Variants in RGS7 observed in about 807,000 individuals in gnomAD.
RGS7 encodes regulator of G protein signaling 7, also known as regulator of G-protein signaling 7.
Under a neutral mutation model 81.1 loss-of-function variants are expected in RGS7, and 27 were observed. The observed-to-expected ratio is 0.33, with a 90% CI of 0.25 to 0.46. The LOEUF (loss-of-function observed/expected upper bound fraction) is 0.46. Among genes scored for constraint, RGS7 ranks in the 20% least tolerant of loss-of-function variants. RGS7 has a pLI of 1.00. For missense variants in RGS7, 396 were observed against 607.4 expected (o/e 0.65, Z 3.66); for synonymous variants, 208 against 207.7 (o/e 1.00, Z -0.01).
At chr1:241,303,261 T>C (rs2079882700) in intron 2 of RGS7, among the ~76,000 whole-genome samples, 1 of 152,132 alleles carries the variant, frequency 6.6e-6, no homozygotes, top group South Asian at 2.1e-4. Flanking sequence ...TGAGTCCCCA[T>C]GAAATCTGGT....
At chr1:241,077,348 C>G (rs1039989849) in intron 3 of RGS7, among the ~76,000 whole-genome samples, 2 of 152,092 alleles carry the variant, frequency 1.3e-5, no homozygotes, top group South Asian at 2.1e-4. Context: ...ACGGATGACA[C>G]AAAAATGGCT....
intron 18 of RGS7, among the ~76,000 whole-genome samples, chr1:240,791,332 G>A (rs1027656603): frequency 5.3e-5 from 8 of 152,106 alleles, no homozygotes; most frequent in Non-Finnish European, 1.0e-4. Context: ...AATGAAGAGG[G>A]CAGGAGATTT....
chr1:240,868,219 G>A lies in RGS7; in HGVS notation c.609+368C>T, dbSNP rs1269068922. Among the ~76,000 whole-genome samples the A allele has an allele frequency of 6.6e-6, 1 of 151,748 alleles. No homozygotes were observed. The highest frequency in any genetic ancestry group is 1.5e-5 in the Non-Finnish European group (1 of 67,946). ...GAACGAAGGAACGAAGGGAGGGAAGGAAAATCAGGGCAGGAATAACACTTG... is the reference window on the plus strand; with the variant it reads ...GAACGAAGGAACGAAGGGAGGGAAGAAAAATCAGGGCAGGAATAACACTTG... On this transcript the variant is annotated intron_variant, in intron 9 of 18. Transcript: ENST00000440928. This position sits in a 1 kb window ranked among gnomAD's most constrained non-coding sequence, Gnocchi z 5.1.
At chr1:240,973,555 CA>C (rs1157425661) in intron 4 of RGS7, among the ~76,000 whole-genome samples, 1 of 151,996 alleles carries the variant, frequency 6.6e-6, no homozygotes, top group Non-Finnish European at 1.5e-5. Flanking sequence ...AAGCATAAAA[CA>C]CTTTATAAGT....
intron 2 of RGS7, among the ~76,000 whole-genome samples, chr1:241,343,144 C>A (rs1272333255): frequency 6.6e-6 from 1 of 151,876 alleles, no homozygotes; most frequent in African/African-American, 2.4e-5. Flanking sequence ...CACCTGTAGC[C>A]CCAGCTACTC....
chr1:241,298,549 CCTT>C (rs2079554748), intron 2 of RGS7, among the ~76,000 whole-genome samples: 1 of 152,152 alleles, frequency 6.6e-6, no homozygotes, highest in Non-Finnish European at 1.5e-5. Flanking sequence ...CCTGACGACA[CCTT>C]CTACCATTGC....
chr1:241,215,581 C>G (rs1263471726), intron 2 of RGS7, among the ~76,000 whole-genome samples: 4 of 152,172 alleles, frequency 2.6e-5, no homozygotes, highest in African/African-American at 9.7e-5. Flanking sequence ...CAGTTTCCAG[C>G]TGCTCTGGCT....
At chr1:241,341,563 GAAGGAAGAAAGGAAGTAAA>G (rs1469277971) in intron 2 of RGS7, among the ~76,000 whole-genome samples, 1 of 152,018 alleles carries the variant, frequency 6.6e-6, no homozygotes, top group African/African-American at 2.4e-5. Context: ...GAAGGAAAAG[GAAGGAAGAAAGGAAGTAAA>G]AAGGAAGGAA....
chr1:241,306,061 A>C (rs773570060), intron 2 of RGS7, among the ~76,000 whole-genome samples: 4 of 152,086 alleles, frequency 2.6e-5, no homozygotes, highest in Non-Finnish European at 5.9e-5. Flanking sequence ...TAACGAGAAG[A>C]GAGGTTAATG....
At chr1:240,878,520 A>C (rs922957300) in intron 6 of RGS7, among the ~76,000 whole-genome samples, 19 of 135,640 alleles carry the variant, frequency 1.4e-4, no homozygotes, top group African/African-American at 4.8e-4. Flanking sequence ...TGATGAATTA[A>C]CTAATTAACT....
At chr1:240,994,939 G>A (rs910644765) in intron 3 of RGS7, among the ~76,000 whole-genome samples, 2 of 152,002 alleles carry the variant, frequency 1.3e-5, no homozygotes, top group Admixed American at 1.3e-4. Context: ...GCCTCCCAAA[G>A]TGCTGAGATT....
intron 2 of RGS7, among the ~76,000 whole-genome samples, chr1:241,146,315 T>C (rs971110205): frequency 2.6e-5 from 4 of 152,188 alleles, no homozygotes; most frequent in Non-Finnish European, 5.9e-5. Context: ...AATCTAGAGA[T>C]GATTTAAAGT....
intron 5 of RGS7, among the ~76,000 whole-genome samples, chr1:240,934,941 T>A (rs369932377): frequency 8.6e-5 from 12 of 139,298 alleles, no homozygotes; most frequent in Admixed American, 2.4e-4. Flanking sequence ...CAGGCTGGAG[T>A]GCAGTGGCAC....
intron 2 of RGS7, among the ~76,000 whole-genome samples, chr1:241,316,483 A>T (rs2080885770): frequency 6.6e-6 from 1 of 152,172 alleles, no homozygotes; most frequent in Admixed American, 6.5e-5. Context: ...GCATAAAGAG[A>T]TACTTAATAC....
chr1:241,220,980 AG>A (rs777864094), intron 2 of RGS7, among the ~76,000 whole-genome samples: 22,426 of 90,888 alleles, frequency 0.25, 2,656 homozygotes, highest in African/African-American at 0.34. Context: ...GAAGGAAGGA[AG>A]GAAGGAAGGA....
chr1:240,975,867 C>T (rs1683990272), intron 4 of RGS7, among the ~76,000 whole-genome samples: 1 of 152,248 alleles, frequency 6.6e-6, no homozygotes, highest in South Asian at 2.1e-4. Context: ...CGTGGAAGAA[C>T]GTTGCCAGTA....
chr1:241,297,225 G>T (rs1336338443), intron 2 of RGS7, among the ~76,000 whole-genome samples: 1 of 152,092 alleles, frequency 6.6e-6, no homozygotes, highest in African/African-American at 2.4e-5. Context: ...AATGGATGCT[G>T]GTGGAATGAA....
intron 3 of RGS7, among the ~76,000 whole-genome samples, chr1:240,992,600 A>G (rs1686614614): frequency 6.6e-6 from 1 of 152,152 alleles, no homozygotes; most frequent in African/African-American, 2.4e-5. Flanking sequence ...CGTGCTCTAT[A>G]TAGTGCTATG....
intron 3 of RGS7, among the ~76,000 whole-genome samples, chr1:241,055,891 C>T (rs928951657): frequency 1.3e-4 from 20 of 152,162 alleles, no homozygotes; most frequent in Admixed American, 5.9e-4. Flanking sequence ...TTTGGAGATT[C>T]CAAGAGTTTT....
Sources: gnomAD v4.1 joint callset for allele counts (sites outside exome capture counted in the v4.1 genomes callset) on GRCh38, gnomAD v4.1.1 for gene constraint, Gnocchi (gnomAD v3.1) non-coding constraint, MANE v1.5 for transcripts, NCBI Gene and HGNC (gene_info 2026-07-23, HGNC 2026-07-21) for gene names.